LRRC7: variants seen among roughly 807,000 people sequenced by gnomAD.
LRRC7 encodes leucine rich repeat containing 7, also known as leucine-rich repeat-containing protein 7.
In LRRC7, 23 loss-of-function variants were observed where a neutral mutation model predicts 175.7. The observed-to-expected ratio is 0.13, with a 90% confidence interval of 0.09 to 0.19. The LOEUF is 0.19. Among genes scored for constraint, LRRC7 ranks in the 10% least tolerant of loss-of-function variants. The pLI, the probability that LRRC7 is intolerant of heterozygous loss-of-function variation, is 1.00. For missense variants in LRRC7, 1,354 were observed against 1,904.7 expected (o/e 0.71, Z 5.38); for synonymous variants, 685 against 680.9 (o/e 1.01, Z -0.09).
chr1:69,983,610 T>G (rs1315740390), intron 9 of LRRC7, among the ~76,000 whole-genome samples: 1 of 152,184 alleles, frequency 6.6e-6, no homozygotes, highest in African/African-American at 2.4e-5. Context: ...GATCAGTCAA[T>G]GCAGGTATAT....
At chr1:69,737,441 C>A (rs1309645473) in intron 2 of LRRC7, among the ~76,000 whole-genome samples, 1 of 152,062 alleles carries the variant, frequency 6.6e-6, no homozygotes, top group African/African-American at 2.4e-5. Context: ...ATGTGCGAGT[C>A]CATTAAATCT....
Position 70,071,725 on chromosome 1 carries a change from G to A in LRRC7, c.4231-4352G>A, listed in dbSNP as rs186812919. On this transcript the variant is annotated intron_variant, in intron 23 of 26. Coordinates refer to ENST00000651989, the MANE Select transcript of LRRC7 (RefSeq NM_001370785.2). ...TGTTCTTTTGAACATTCTCAGTGGCGTAAATTGTAATCTTTTAAGGCGGTG... is the reference window on the plus strand; with the variant it reads ...TGTTCTTTTGAACATTCTCAGTGGCATAAATTGTAATCTTTTAAGGCGGTG... 3.1e-4 allele frequency among the ~76,000 whole-genome samples: 47 copies of A among 152,264 alleles called. 1 individual carries two copies. Among genetic ancestry groups the A allele is most frequent in the South Asian group, 2.5e-3 (12 of 4,822 alleles).
intron 2 of LRRC7, among the ~76,000 whole-genome samples, chr1:69,718,150 A>AAGAAAG (rs752784738): frequency 3.4e-5 from 5 of 148,186 alleles, no homozygotes; most frequent in Admixed American, 2.0e-4. Context: ...GAGAGAAAGA[A>AAGAAAG]AGAAAGAAAG....
chr1:69,689,186 G>C (rs1254105064), intron 2 of LRRC7, among the ~76,000 whole-genome samples: 1 of 152,020 alleles, frequency 6.6e-6, no homozygotes, highest in East Asian at 1.9e-4. Flanking sequence ...CTTCCCCTAT[G>C]TCTCTCACAC....
rs748829419 is a variant in LRRC7, at chr1:70,123,941, T to C, written c.*2054T>C. On this transcript the variant is annotated 3_prime_UTR_variant, in exon 27 of 27. Coordinates refer to ENST00000651989, the MANE Select transcript of LRRC7 (RefSeq NM_001370785.2). ...GGAGAAGTGGGAGAAGAGCCAGATA[T>C]AGAACTGCCCCAAGTCTTTTTCTTA... Among the ~76,000 whole-genome samples the C allele has an allele frequency of 1.3e-4, 20 of 152,188 alleles. No homozygotes were observed. The highest frequency in any genetic ancestry group is 2.2e-4 in the Non-Finnish European group (15 of 68,034).
chr1:69,783,201 AG>A (rs1375732178), intron 3 of LRRC7, among the ~76,000 whole-genome samples: 1 of 152,148 alleles, frequency 6.6e-6, no homozygotes, highest in Non-Finnish European at 1.5e-5. Flanking sequence ...CCTTCTACTC[AG>A]AAAACAACCC....
intron 2 of LRRC7, among the ~76,000 whole-genome samples, chr1:69,693,463 C>T (rs1198659754): frequency 6.6e-6 from 1 of 152,152 alleles, no homozygotes; most frequent in Non-Finnish European, 1.5e-5. Flanking sequence ...GGCCGATAGG[C>T]TGGAGACCTA....
At chr1:69,579,794 C>CTT (rs71242784) in intron 1 of LRRC7, among the ~76,000 whole-genome samples, 1,501 of 127,102 alleles carry the variant, frequency 0.012, 42 homozygotes, top group African/African-American at 0.034. Flanking sequence ...TGAATAGAAG[C>CTT]TTTTTTTTTT....
chr1:69,581,148 A>G (rs539409953), intron 1 of LRRC7, among the ~76,000 whole-genome samples: 1 of 152,346 alleles, frequency 6.6e-6, no homozygotes, highest in Non-Finnish European at 1.5e-5. Flanking sequence ...TAAGTTGTTT[A>G]TCCTACATTC....
chr1:70,130,415 G>A lies in LRRC7; in HGVS notation c.*8528G>A, dbSNP rs1054481775. ...TAAATATTGAACTAAACAGCAAATT[G>A]ATCTTCAGTTTGTGTAACCTTAAAC... On this transcript the variant is annotated 3_prime_UTR_variant, in exon 27 of 27. Coordinates refer to ENST00000651989, the MANE Select transcript of LRRC7 (RefSeq NM_001370785.2). Among the ~76,000 whole-genome samples the A allele has an allele frequency of 3.3e-5, 5 of 152,164 alleles. No individual in the cohort carries two copies. Among genetic ancestry groups the A allele is most frequent in the African/African-American group, 1.2e-4 (5 of 41,432 alleles).
chr1:69,685,552 A>G (rs1661036058), intron 2 of LRRC7, among the ~76,000 whole-genome samples: 1 of 152,178 alleles, frequency 6.6e-6, no homozygotes. Flanking sequence ...CCAAATGGAA[A>G]TTATGTAACT....
At chr1:69,653,243 CAAAA>C (rs1197908827) in intron 1 of LRRC7, among the ~76,000 whole-genome samples, 1 of 151,196 alleles carries the variant, frequency 6.6e-6, no homozygotes, top group East Asian at 1.9e-4. Flanking sequence ...AATTCAAAAA[CAAAA>C]TAACCCAATT....
At chr1:69,660,259 G>A (rs1294485413) in intron 1 of LRRC7, among the ~76,000 whole-genome samples, 1 of 151,972 alleles carries the variant, frequency 6.6e-6, no homozygotes, top group Non-Finnish European at 1.5e-5. Flanking sequence ...TATAACTTCT[G>A]TATACTCAAT....
At chr1:69,765,613 T>C (rs1671539259) in intron 3 of LRRC7, among the ~76,000 whole-genome samples, 1 of 152,116 alleles carries the variant, frequency 6.6e-6, no homozygotes, top group Non-Finnish European at 1.5e-5. Context: ...TTTGCCTATT[T>C]CCATCCATCT....
At chr1:70,049,821 A>G (rs1660616930) in intron 22 of LRRC7, among the ~76,000 whole-genome samples, 1 of 152,082 alleles carries the variant, frequency 6.6e-6, no homozygotes, top group Non-Finnish European at 1.5e-5. Context: ...ATTTCACTGG[A>G]AAAACTTTGG....
chr1:69,624,068 T>TA (rs894834134), intron 1 of LRRC7, among the ~76,000 whole-genome samples: 4 of 152,034 alleles, frequency 2.6e-5, no homozygotes, highest in South Asian at 2.1e-4. Flanking sequence ...GGCTGAAAAA[T>TA]AAAAAACATA....
chr1:70,022,979 A>G (rs1657674059), intron 16 of LRRC7, 147 bp from the exon 17 acceptor site: 1 of 993,450 alleles, frequency 1.0e-6, no homozygotes, highest in African/African-American at 1.6e-5. Context: ...GTACTGTTTT[A>G]TACATGGATT....
intron 2 of LRRC7, among the ~76,000 whole-genome samples, chr1:69,702,371 G>A (rs1251546594): frequency 2.6e-5 from 4 of 152,144 alleles, no homozygotes; most frequent in Admixed American, 2.0e-4. Context: ...CAGCTTTTGT[G>A]ATCAGCAACA....
At position 70,076,268 on chromosome 1, in the gene LRRC7, G is replaced by T; in HGVS notation, c.4422G>T (p.Gly1474=). ...QPGRCLIQTK[G]QRSMDGYPEQ... ...GACGGTGCTTAATTCAAACTAAAGG[G>T]CAAAGGAGTATGGATGGATATCCAG... Residue 1474 remains glycine, a synonymous_variant, in exon 24 of 27, where the codon GGG becomes GGT. Transcript: ENST00000651989. The T allele has an allele frequency of 1.2e-6, 2 of 1,614,050 alleles. No individual in the cohort carries two copies. Among genetic ancestry groups the T allele is most frequent in the Non-Finnish European group, 1.7e-6 (2 of 1,179,976 alleles).
Sources: gnomAD v4.1 joint callset for allele counts (sites outside exome capture counted in the v4.1 genomes callset) on GRCh38, gnomAD v4.1.1 for gene constraint, MANE v1.5 for transcripts, NCBI Gene and HGNC (gene_info 2026-07-23, HGNC 2026-07-21) for gene names.